Variants in CREG2 observed in about 807,000 individuals in gnomAD.
The protein encoded by CREG2 is protein CREG2.
In CREG2, 24 loss-of-function variants were observed where a neutral mutation model predicts 26.2. That is an observed-to-expected ratio of 0.92 (90% CI 0.66 to 1.29). CREG2 has a LOEUF of 1.29. CREG2 is among the 50% of genes most tolerant of loss of function. The pLI, the probability that CREG2 is intolerant of heterozygous loss-of-function variation, is 0.00. For missense variants in CREG2, 366 were observed against 398.6 expected, an observed-to-expected ratio of 0.92 and a Z score of 0.70; for synonymous variants, 174 against 169.2, an observed-to-expected ratio of 1.03 and a Z score of -0.22.
chr2:101,383,743 G>T, intron 1 of CREG2, 41 bp from the exon 2 acceptor site: 1 of 1,534,384 alleles, frequency 6.5e-7, no homozygotes, highest in Admixed American at 2.0e-5. Context: ...GCAGAGCTGT[G>T]GCTCGACTTG....
Position 101,383,778 on chromosome 2 carries a change from T to C in CREG2, c.442-76A>G, listed in dbSNP as rs149316087. On this transcript the variant is annotated intron_variant, in intron 1 of 3. Transcript: ENST00000324768. Reference sequence around the variant, plus strand: ...GATCTGGGAGCTTAGCTTGTGCCTCTGGCTAGGAAATACAACACCAGGGAT... The same window carrying C: ...GATCTGGGAGCTTAGCTTGTGCCTCCGGCTAGGAAATACAACACCAGGGAT... 2.8e-4 allele frequency: 387 copies of C among 1,404,016 alleles called. 6 individuals are homozygous for C. In the East Asian group the frequency reaches 8.1e-3, roughly 29 times the overall value. The allele number at this position is 1,404,016 out of a possible 1,614,324, so 87.0% of individuals were successfully genotyped here.
intron 2 of CREG2, chr2:101,376,073 T>A: frequency 5.0e-6 from 1 of 201,374 alleles, no homozygotes; most frequent in South Asian, 1.0e-4. Flanking sequence ...TTTGATGGAA[T>A]ACTTTAAACC....
At chr2:101,372,247 C>T (rs890038780) in intron 2 of CREG2, among the ~76,000 whole-genome samples, 1 of 152,186 alleles carries the variant, frequency 6.6e-6, no homozygotes, top group Non-Finnish European at 1.5e-5. Context: ...AGCAAGGAGG[C>T]AAGAAGAGCC....
chr2:101,356,897 CTT>C (rs1211153593), intron 2 of CREG2, among the ~76,000 whole-genome samples: 2 of 147,020 alleles, frequency 1.4e-5, no homozygotes, highest in African/African-American at 2.5e-5. Context: ...ACTTTTTCTT[CTT>C]TTTTTTTTGA....
At position 101,358,764 on chromosome 2, in the gene CREG2, G is replaced by A. The variant is rs533711219; in HGVS notation, c.612-3398C>T. On this transcript the variant is annotated intron_variant, in intron 2 of 3. Coordinates refer to ENST00000324768, the MANE Select transcript of CREG2 (RefSeq NM_153836.4). Reference sequence around the variant, plus strand: ...AGTGAGAACTGAGGTGGCCGGGCGCGGTGGCTCACGCCTGTAATCCCAGCA... The same window carrying A: ...AGTGAGAACTGAGGTGGCCGGGCGCAGTGGCTCACGCCTGTAATCCCAGCA... Among the ~76,000 whole-genome samples the A allele has an allele frequency of 7.5e-4, 98 of 130,678 alleles. 24 individuals are homozygous for A. Among genetic ancestry groups the A allele is most frequent in the African/African-American group, 2.4e-3 (92 of 38,414 alleles). The allele number at this position is 130,678 out of a possible 152,430, so 85.7% of individuals were successfully genotyped here. A position where few individuals can be genotyped will look rare whatever the true frequency, so the allele number is the denominator to read the frequency against.
chr2:101,352,018 G>A (rs941967900), intron 3 of CREG2, among the ~76,000 whole-genome samples: 8 of 150,034 alleles, frequency 5.3e-5, no homozygotes, highest in African/African-American at 7.4e-5. Flanking sequence ...CATGAGTAGC[G>A]TGCCACCATG....
intron 1 of CREG2, among the ~76,000 whole-genome samples, chr2:101,385,524 C>T (rs1018427370): frequency 1.3e-5 from 2 of 152,198 alleles, no homozygotes; most frequent in Non-Finnish European, 2.9e-5. Flanking sequence ...TCCTTCCAGT[C>T]AAGCATCCCA....
chr2:101,376,533 G>GCCTCCCAAATTGTT (rs1316660197), intron 2 of CREG2, among the ~76,000 whole-genome samples: 2 of 152,074 alleles, frequency 1.3e-5, no homozygotes, highest in Non-Finnish European at 2.9e-5. Flanking sequence ...GCCTGCCTCG[G>GCCTCCCAAATTGTT]CCTCCCAAAT....
chr2:101,354,320 G>A (rs1684423247), intron 3 of CREG2, among the ~76,000 whole-genome samples: 1 of 152,142 alleles, frequency 6.6e-6, no homozygotes, highest in Non-Finnish European at 1.5e-5. Flanking sequence ...ACTGACATCT[G>A]TTTCTTTAGG....
At chr2:101,355,009 A>G (rs1187956376) in intron 3 of CREG2, among the ~76,000 whole-genome samples, 1 of 152,096 alleles carries the variant, frequency 6.6e-6, no homozygotes, top group Non-Finnish European at 1.5e-5. Flanking sequence ...GCATTGTCAA[A>G]GGTTGGAAGT....
chr2:101,383,128 T>A, intron 2 of CREG2: 1 of 449,658 alleles, frequency 2.2e-6, no homozygotes, highest in Non-Finnish European at 3.1e-6. Flanking sequence ...ATAGACTCTG[T>A]GTTGCACGCC....
intron 3 of CREG2, among the ~76,000 whole-genome samples, chr2:101,352,227 T>C (rs1195579669): frequency 6.6e-6 from 1 of 152,188 alleles, no homozygotes; most frequent in Non-Finnish European, 1.5e-5. Flanking sequence ...ATAATAAACA[T>C]ACAGGGAAAT....
At chr2:101,352,040 TA>T (rs1383234882) in intron 3 of CREG2, among the ~76,000 whole-genome samples, 12 of 63,616 alleles carry the variant, frequency 1.9e-4, no homozygotes, top group East Asian at 9.8e-4. Flanking sequence ...CTGGCTAATT[TA>T]AAAAAAATTT....
At chr2:101,366,906 A>G (rs1250369585) in intron 2 of CREG2, among the ~76,000 whole-genome samples, 1 of 152,176 alleles carries the variant, frequency 6.6e-6, no homozygotes, top group Non-Finnish European at 1.5e-5. Context: ...TGTACTAGGT[A>G]TTATAAGTAA....
At chr2:101,358,271 C>T (rs1249722307) in intron 2 of CREG2, among the ~76,000 whole-genome samples, 2 of 152,134 alleles carry the variant, frequency 1.3e-5, no homozygotes, top group South Asian at 2.1e-4. Flanking sequence ...GGATTACAGG[C>T]GTGAGCCACC....
chr2:101,346,856 A>G lies in CREG2; in HGVS notation c.*4067T>C, dbSNP rs1242819098. On this transcript the variant is annotated 3_prime_UTR_variant, in exon 4 of 4. Transcript: ENST00000324768. ...TTTTTACCCAGTTTTCCCCAATGGC[A>G]CATCTTGCTAAACTACAGTACAATA... 6.6e-6 allele frequency: 1 copy of G among 152,200 alleles called. No homozygotes were observed. Among genetic ancestry groups the G allele is most frequent in the Non-Finnish European group, 1.5e-5 (1 of 68,034 alleles). The allele number at this position is 152,200 out of a possible 1,614,324, so 9.4% of individuals were successfully genotyped here.
At position 101,355,345 on chromosome 2, in the gene CREG2, T is replaced by A. The variant is rs1684440621; in HGVS notation, c.633A>T (p.Glu211Asp). ...GCGTTAACTGGACACATCGGGGATCTTCCGGATCAACGATGTTTTTTCTGC... is the reference window on the plus strand; with the variant it reads ...GCGTTAACTGGACACATCGGGGATCATCCGGATCAACGATGTTTTTTCTGC... ...EFCRKNIVDPEDPRCVQLTLT... is the reference protein window; with the variant it reads ...EFCRKNIVDPDDPRCVQLTLT... The change falls in exon 3 of 4, where the codon GAA becomes GAT. Residue 211 changes from glutamate (E) to aspartate (D), a missense_variant. Glu to Asp is a conservative substitution (Grantham distance 45). Transcript: ENST00000324768. 6.2e-7 allele frequency: 1 copy of A among 1,613,120 alleles called. No homozygotes were observed. The highest frequency in any genetic ancestry group is 8.5e-7 in the Non-Finnish European group (1 of 1,179,178).
At chr2:101,361,022 A>G (rs1397682704) in intron 2 of CREG2, among the ~76,000 whole-genome samples, 1 of 152,238 alleles carries the variant, frequency 6.6e-6, no homozygotes, top group Non-Finnish European at 1.5e-5. Context: ...TTTGTTCACT[A>G]TTAAAGCTAA....
At chr2:101,356,053 C>T (rs914963710) in intron 2 of CREG2, among the ~76,000 whole-genome samples, 7 of 152,078 alleles carry the variant, frequency 4.6e-5, no homozygotes, top group Non-Finnish European at 7.3e-5. Flanking sequence ...AAGTGGCTCT[C>T]AGCAGAAGAG....
Sources: gnomAD v4.1 joint callset for allele counts (sites outside exome capture counted in the v4.1 genomes callset) on GRCh38, gnomAD v4.1.1 for gene constraint, MANE v1.5 for transcripts, NCBI Gene and HGNC (gene_info 2026-07-23, HGNC 2026-07-21) for gene names.